The following TMEM181 variants were observed in gnomAD, a reference collection of about 807,000 sequenced individuals.
The protein encoded by TMEM181 is G protein-coupled receptor 178.
In TMEM181, 39 loss-of-function variants were observed where a neutral mutation model predicts 71.9. The observed-to-expected ratio is 0.54, with a 90% CI of 0.42 to 0.71. The LOEUF is 0.71. TMEM181 is among the 30% of genes least tolerant of loss of function. The pLI, the probability that TMEM181 is intolerant of heterozygous loss-of-function variation, is 0.00. For synonymous variants in TMEM181, 245 were observed against 228.8 expected, an observed-to-expected ratio of 1.07 and a Z score of -0.64; for missense variants, 595 against 583.0, an observed-to-expected ratio of 1.02 and a Z score of -0.21.
intron 10 of TMEM181, among the ~76,000 whole-genome samples, chr6:158,614,545 G>A (rs909913010): frequency 2.0e-5 from 3 of 152,094 alleles, no homozygotes; most frequent in African/African-American, 7.2e-5. Context: ...GTGCAGGTTT[G>A]TTACATATGT....
chr6:158,569,015 T>G (rs1782662871), intron 1 of TMEM181, among the ~76,000 whole-genome samples: 1 of 152,188 alleles, frequency 6.6e-6, no homozygotes, highest in Non-Finnish European at 1.5e-5. Flanking sequence ...CTCGCCCTGT[T>G]ACCCAGGCTG....
chr6:158,633,198 CG>C lies in TMEM181; in HGVS notation c.*1311del, dbSNP rs1000123494. ...AATGTTTTAAATGGTTCATGGAAAA[CG>C]TATTTGGGTAGAAGGCAACTCGTGC... On this transcript the variant is annotated 3_prime_UTR_variant, in exon 17 of 17. Coordinates refer to ENST00000684151, the MANE Select transcript of TMEM181 (RefSeq NM_001376852.1). 1 of 152,070 alleles carries C rather than the reference CG, an allele frequency of 6.6e-6. No individual in the cohort carries two copies. The highest frequency in any genetic ancestry group is 1.9e-4 in the East Asian group (1 of 5,200). The allele number at this position is 152,070 out of a possible 1,614,324, so 9.4% of individuals were successfully genotyped here. A position where few individuals can be genotyped will look rare whatever the true frequency, so the allele number is the denominator to read the frequency against.
At chr6:158,562,478 T>TGTGTC (rs1554302369) in intron 1 of TMEM181, among the ~76,000 whole-genome samples, 1,860 of 116,296 alleles carry the variant, frequency 0.016, 24 homozygotes, top group African/African-American at 0.049. Flanking sequence ...GTGTGTGTCT[T>TGTGTC]GCTTGGCACG....
At chr6:158,567,440 C>T (rs145357459) in intron 1 of TMEM181, among the ~76,000 whole-genome samples, 70 of 152,338 alleles carry the variant, frequency 4.6e-4, no homozygotes, top group East Asian at 1.2e-3. Flanking sequence ...AGCCGTTCGC[C>T]GTCAGGCACT....
At chr6:158,605,156 G>C in intron 6 of TMEM181, 111 bp from the exon 7 acceptor site, 1 of 568,858 alleles carries the variant, frequency 1.8e-6, no homozygotes, top group African/African-American at 2.0e-5. Flanking sequence ...GTGTGTGTGT[G>C]TGTATGTGTA....
intron 1 of TMEM181, among the ~76,000 whole-genome samples, chr6:158,548,859 C>G (rs752463560): frequency 8.5e-5 from 13 of 152,206 alleles, no homozygotes; most frequent in Middle Eastern, 3.2e-3. Flanking sequence ...GGTTTGATAG[C>G]TTGGGACTGA....
intron 16 of TMEM181, 49 bp downstream of exon 16, chr6:158,631,438 C>T (rs768164210): frequency 5.7e-6 from 9 of 1,582,324 alleles, no homozygotes; most frequent in African/African-American, 4.0e-5. Context: ...CATCCCGGCA[C>T]GGCCTTGCAT....
At chr6:158,585,714 C>T (rs746870651) in intron 5 of TMEM181, among the ~76,000 whole-genome samples, 3 of 152,180 alleles carry the variant, frequency 2.0e-5, no homozygotes, top group East Asian at 1.9e-4. Flanking sequence ...TGAGCATACA[C>T]GGTACTTGTT....
chr6:158,582,659 C>T (rs1486833463), intron 3 of TMEM181, among the ~76,000 whole-genome samples: 6 of 151,886 alleles, frequency 4.0e-5, no homozygotes, highest in African/African-American at 1.2e-4. Flanking sequence ...GAGCACGACC[C>T]TGTCTTAAAA....
At position 158,580,903 on chromosome 6, in the gene TMEM181, C is replaced by G. The variant is rs1218581321; in HGVS notation, c.113-37C>G. Reference sequence around the variant, plus strand: ...AAAAAATACTAAATTATCAATATTGCTATAATCTGCTTTTGTCCTTTTCTG... The same window carrying G: ...AAAAAATACTAAATTATCAATATTGGTATAATCTGCTTTTGTCCTTTTCTG... On this transcript the variant is annotated intron_variant, in intron 2 of 16. Coordinates refer to ENST00000684151, the MANE Select transcript of TMEM181 (RefSeq NM_001376852.1). 7 of 1,560,648 alleles carry G rather than the reference C, an allele frequency of 4.5e-6. No homozygotes were observed. In the East Asian group the frequency reaches 1.6e-4, roughly 36 times the overall value.
chr6:158,562,601 CAAATT>C (rs1400089985), intron 1 of TMEM181, among the ~76,000 whole-genome samples: 1 of 152,074 alleles, frequency 6.6e-6, no homozygotes, highest in African/African-American at 2.4e-5. Context: ...ATGGCACAGA[CAAATT>C]AAGTATCCTG....
intron 1 of TMEM181, among the ~76,000 whole-genome samples, chr6:158,571,352 T>C (rs540110276): frequency 6.2e-5 from 9 of 146,114 alleles, no homozygotes; most frequent in South Asian, 4.3e-4. Flanking sequence ...CACCTTGGCC[T>C]CCCAAAGTGC....
At chr6:158,544,554 C>T (rs1017255932) in intron 1 of TMEM181, among the ~76,000 whole-genome samples, 4 of 152,262 alleles carry the variant, frequency 2.6e-5, no homozygotes, top group African/African-American at 9.6e-5. Context: ...CAGAAAGGGA[C>T]GGGGCGCTCA....
At chr6:158,586,251 C>G (rs575155084) in intron 5 of TMEM181, among the ~76,000 whole-genome samples, 1 of 152,146 alleles carries the variant, frequency 6.6e-6, no homozygotes, top group African/African-American at 2.4e-5. Context: ...CCTGCTAGAG[C>G]GAGGAGTCCA....
In TMEM181 at chr6:158,583,980, T is replaced by G. The variant is rs753227562; in HGVS notation, c.195T>G (p.Asn65Lys). 5.7e-5 allele frequency: 92 copies of G among 1,608,828 alleles called. No homozygotes were observed. The highest frequency in any genetic ancestry group is 7.5e-5 in the Non-Finnish European group (88 of 1,177,360). The change falls in exon 4 of 17, where the codon AAT (asparagine) becomes AAG (lysine). Residue 65 changes from asparagine (N) to lysine (K), a missense_variant. Transcript: ENST00000684151. ...KKLKPIQILS[N>K]PLSTYNQQLW... Reference sequence around the variant, plus strand: ...TAAAGCCAATTCAAATACTTTCAAATCCACTGTCTACATACAATCAGCAAC... The same window carrying G: ...TAAAGCCAATTCAAATACTTTCAAAGCCACTGTCTACATACAATCAGCAAC...
chr6:158,621,985 C>T (rs1421948953), intron 10 of TMEM181, among the ~76,000 whole-genome samples: 3 of 152,160 alleles, frequency 2.0e-5, no homozygotes, highest in East Asian at 1.9e-4. Context: ...GGGGCCCAAG[C>T]GCCCCTCAGA....
intron 6 of TMEM181, 119 bp downstream of exon 6, chr6:158,589,901 G>A (rs1784010993): frequency 8.1e-6 from 6 of 737,980 alleles, no homozygotes; most frequent in Non-Finnish European, 1.1e-5. Context: ...TGGAGGACTT[G>A]TAAAGTTTTT....
intron 1 of TMEM181, among the ~76,000 whole-genome samples, chr6:158,550,392 T>C (rs13197977): frequency 0.61 from 92,627 of 150,950 alleles, 28,720 homozygotes; most frequent in East Asian, 0.73. Context: ...GCGCGGTGGC[T>C]CATGCCTGTA....
At chr6:158,536,767 G>A in exon 1 of TMEM181, 1 of 1,574,844 alleles carries the variant, frequency 6.3e-7, no homozygotes, top group Non-Finnish European at 8.6e-7. Flanking sequence ...TTGAGCCCCC[G>A]CTCTGCAGCG....
Sources: gnomAD v4.1 joint callset for allele counts (sites outside exome capture counted in the v4.1 genomes callset) on GRCh38, gnomAD v4.1.1 for gene constraint, MANE v1.5 for transcripts, NCBI Gene and HGNC (gene_info 2026-07-23, HGNC 2026-07-21) for gene names.